ARVCF: variants seen among roughly 807,000 people sequenced by gnomAD.
ARVCF encodes ARVCF delta catenin family member, also known as splicing regulator ARVCF.
Under a neutral mutation model 90.9 loss-of-function variants are expected in ARVCF, and 66 were observed. The ratio of observed to expected loss-of-function variants is 0.73; its 90% CI spans 0.60 to 0.89. The LOEUF is 0.89. Ranked by LOEUF, ARVCF falls within the 40% of genes least tolerant of loss-of-function variation. ARVCF has a pLI of 0.00. For synonymous variants in ARVCF, 653 were observed against 603.4 expected (o/e 1.08, Z -1.21); for missense variants, 1,469 against 1,382.3 (o/e 1.06, Z -1.00).
At chr22:20,000,178 A>G (rs1490720405) in intron 2 of ARVCF, among the ~76,000 whole-genome samples, 3 of 152,204 alleles carry the variant, frequency 2.0e-5, no homozygotes, top group Non-Finnish European at 4.4e-5. Flanking sequence ...TGTCATATGC[A>G]GGGAGGTTCC....
chr22:20,011,073 C>G (rs1944811796), intron 1 of ARVCF, among the ~76,000 whole-genome samples: 1 of 152,232 alleles, frequency 6.6e-6, no homozygotes, highest in Non-Finnish European at 1.5e-5. Context: ...GGAGCTGTGG[C>G]CAGGTGTGAA....
intron 4 of ARVCF, 70 bp from the exon 5 acceptor site, chr22:19,981,807 T>A: frequency 6.5e-7 from 1 of 1,549,272 alleles, no homozygotes; most frequent in Non-Finnish European, 8.7e-7. Flanking sequence ...GGGGTCTGGC[T>A]GGCCTTAATT....
In ARVCF at chr22:19,971,867, C is replaced by G. The variant is rs752515297; in HGVS notation, c.2781+19G>C. 4 of 1,613,002 alleles carry G rather than the reference C, an allele frequency of 2.5e-6. No homozygotes were observed. The highest frequency in any genetic ancestry group is 3.4e-6 in the Non-Finnish European group (4 of 1,179,710). ...CGGGGCCTCACCGGGGACCTGCCCA[C>G]AGCCACATGACCACTTACTTTCAAG... On this transcript the variant is annotated intron_variant, in intron 18 of 19. Transcript: ENST00000263207.
chr22:19,996,279 C>G (rs1162743283), intron 2 of ARVCF, among the ~76,000 whole-genome samples: 1 of 149,514 alleles, frequency 6.7e-6, no homozygotes, highest in African/African-American at 2.5e-5. Context: ...GACGCACAAG[C>G]GTGACTTTGT....
At chr22:19,985,133 C>T (rs1943697590) in intron 3 of ARVCF, among the ~76,000 whole-genome samples, 1 of 152,188 alleles carries the variant, frequency 6.6e-6, no homozygotes, top group South Asian at 2.1e-4. Flanking sequence ...CCCCTCTGTA[C>T]CCTAGACATG....
intron 16 of ARVCF, 95 bp from the exon 17 acceptor site, chr22:19,972,506 G>A (rs1296816518): frequency 1.3e-6 from 2 of 1,490,026 alleles, no homozygotes; most frequent in African/African-American, 1.4e-5. Context: ...AGCCCTAGAG[G>A]CTCTCTGTCA....
intron 2 of ARVCF, among the ~76,000 whole-genome samples, chr22:20,005,618 G>A (rs1317296915): frequency 6.6e-6 from 1 of 152,088 alleles, no homozygotes; most frequent in Non-Finnish European, 1.5e-5. Flanking sequence ...AGGAGATCGA[G>A]ACCATCCTGG....
At chr22:20,013,025 G>A (rs576473240) in intron 1 of ARVCF, among the ~76,000 whole-genome samples, 7 of 152,366 alleles carry the variant, frequency 4.6e-5, no homozygotes, top group South Asian at 2.1e-4. Flanking sequence ...AAGTCTCCTC[G>A]CTTCCTGCTC....
chr22:19,979,698 C>T, intron 6 of ARVCF, 45 bp downstream of exon 6: 5 of 1,544,878 alleles, frequency 3.2e-6, no homozygotes, highest in Non-Finnish European at 4.4e-6. Context: ...GAGCCTCACA[C>T]TCTTCTCTTC....
Position 19,977,466 on chromosome 22 carries a change from G to C in ARVCF, c.1819C>G (p.Gln607Glu). ...PGPLGSAVGS[Q>E]RRRRDDASCF... ...CTGGCATCATCCCGCCTCCGGCGCT[G>C]GGAGCCTACAGCACTGCCCAGGGGC... The change falls in exon 9 of 20, where the codon CAG becomes GAG. Residue 607 changes from glutamine to glutamate, a missense_variant. Coordinates refer to ENST00000263207, the MANE Select transcript of ARVCF (RefSeq NM_001670.3). 1.9e-6 allele frequency: 3 copies of C among 1,571,730 alleles called. No individual in the cohort carries two copies. Among genetic ancestry groups the C allele is most frequent in the Non-Finnish European group, 1.7e-6 (2 of 1,159,856 alleles).
At chr22:19,976,607 CA>C (rs922550377) in intron 10 of ARVCF, 98 bp downstream of exon 10, 34 of 1,462,814 alleles carry the variant, frequency 2.3e-5, no homozygotes, top group African/African-American at 7.1e-5. Flanking sequence ...GTGATGAAGC[CA>C]GGGGTGGGGC....
At chr22:20,006,657 G>C (rs111675839) in intron 2 of ARVCF, among the ~76,000 whole-genome samples, 16,687 of 150,520 alleles carry the variant, frequency 0.11, 1,263 homozygotes, top group Middle Eastern at 0.19. Flanking sequence ...TTTTGAGACG[G>C]AGTCTTGCCC....
chr22:19,989,497 A>G (rs976011334), intron 3 of ARVCF, among the ~76,000 whole-genome samples: 6 of 152,058 alleles, frequency 3.9e-5, no homozygotes, highest in Admixed American at 2.0e-4. Context: ...AGGTGAGGAG[A>G]GCCCATGGGG....
intron 2 of ARVCF, among the ~76,000 whole-genome samples, chr22:20,002,610 C>T (rs1480317573): frequency 6.6e-6 from 1 of 152,114 alleles, no homozygotes; most frequent in African/African-American, 2.4e-5. Flanking sequence ...CCCTGGACTA[C>T]CCAGAGAAGT....
At chr22:19,977,819 G>T in intron 8 of ARVCF, 139 bp downstream of exon 8, 1 of 1,119,892 alleles carries the variant, frequency 8.9e-7, no homozygotes, top group Non-Finnish European at 1.3e-6. Flanking sequence ...TGTGGTCACT[G>T]CGAGGCGGGC....
At chr22:19,989,309 C>G (rs192727262) in intron 3 of ARVCF, among the ~76,000 whole-genome samples, 1 of 152,238 alleles carries the variant, frequency 6.6e-6, no homozygotes, top group East Asian at 1.9e-4. Context: ...TAATTTGACT[C>G]TCACCATGCA....
chr22:19,977,583 C>T lies in ARVCF; in HGVS notation c.1702G>A (p.Val568Met). The change falls in exon 9 of 20, where the codon GTG (valine) becomes ATG (methionine). Residue 568 changes from valine (V) to methionine (M), a missense_variant. Val to Met is a conservative substitution (Grantham distance 21). Transcript: ENST00000263207. ...VGRKDTDNKS[V>M]ENCVCIMRNL... ...CGCATGATGCACACGCAGTTCTCCA[C>T]CGACTGCAGGGAGAGGTGAGTGGGT... 6.6e-7 allele frequency: 1 copy of T among 1,524,830 alleles called. No individual in the cohort carries two copies. The allele number at this position is 1,524,830 out of a possible 1,614,324, so 94.5% of individuals were successfully genotyped here.
At chr22:19,998,433 AG>A (rs1223797376) in intron 2 of ARVCF, among the ~76,000 whole-genome samples, 35 of 152,120 alleles carry the variant, frequency 2.3e-4, no homozygotes, top group Non-Finnish European at 5.0e-4. Context: ...CCGCCGGCCC[AG>A]CCCCCCTCCC....
chr22:19,973,911 C>G (rs1021660095), intron 12 of ARVCF, 118 bp from the exon 13 acceptor site: 1 of 1,494,722 alleles, frequency 6.7e-7, no homozygotes, highest in Non-Finnish European at 8.9e-7. Context: ...AAGCCCTACC[C>G]CAAAAGCTCA....
Sources: gnomAD v4.1 joint callset for allele counts (sites outside exome capture counted in the v4.1 genomes callset) on GRCh38, gnomAD v4.1.1 for gene constraint, MANE v1.5 for transcripts, NCBI Gene and HGNC (gene_info 2026-07-23, HGNC 2026-07-21) for gene names.